Variants in ERAP1 observed in about 807,000 individuals in gnomAD.
ERAP1 encodes adipocyte-derived leucine aminopeptidase.
In ERAP1, 86 loss-of-function variants were observed where a neutral mutation model predicts 103.7. That is an observed-to-expected ratio of 0.83 (90% CI 0.70 to 0.99). ERAP1 has a LOEUF of 0.99. Ranked by LOEUF, ERAP1 falls within the 50% of genes least tolerant of loss-of-function variation. ERAP1 has a pLI of 0.00. For missense variants in ERAP1, 1,009 were observed against 1,128.4 expected, an observed-to-expected ratio of 0.89 and a Z score of 1.52; for synonymous variants, 398 against 402.4, an observed-to-expected ratio of 0.99 and a Z score of 0.13.
At chr5:96,871,146 C>A in the ERAP1 span, among the ~76,000 whole-genome samples, 1 of 152,190 alleles carries the variant, frequency 6.6e-6, no homozygotes, top group Non-Finnish European at 1.5e-5. Flanking sequence ...CTTGCTCTCC[C>A]AGAATCTCAT....
the ERAP1 span, chr5:96,913,532 A>G: frequency 6.6e-7 from 1 of 1,514,758 alleles, no homozygotes; most frequent in Non-Finnish European, 9.1e-7. Context: ...GTGTAATCAA[A>G]TGTTTCTCAA....
chr5:96,783,365 A>G (rs900273424), intron 14 of ERAP1, 130 bp from the exon 15 acceptor site: 2 of 729,406 alleles, frequency 2.7e-6, no homozygotes, highest in South Asian at 2.3e-5. Flanking sequence ...TGTATAAATC[A>G]TGCAGCACTG....
the ERAP1 span, among the ~76,000 whole-genome samples, chr5:96,854,010 T>C: frequency 6.6e-6 from 1 of 152,304 alleles, no homozygotes; most frequent in Admixed American, 6.5e-5. Flanking sequence ...AGATGTCACC[T>C]CAGTGAAAGA....
rs1305943893 is a variant in ERAP1, at chr5:96,776,961, G to A, written c.2671-410C>T. ...GCAAAACAGTTTCCACCACGTAAGT[G>A]CTGTCTTTCTCCATGGGCCTGGCCT... On this transcript the variant is annotated intron_variant, in intron 18 of 18. Coordinates refer to ENST00000443439, the MANE Select transcript of ERAP1 (RefSeq NM_001040458.3). 4 of 185,508 alleles carry A rather than the reference G, an allele frequency of 2.2e-5. No homozygotes were observed. In the Admixed American group the frequency reaches 2.2e-4, roughly 10 times the overall value. 11.5% of individuals were successfully genotyped at this position (185,508 alleles called of 1,614,324 possible). A position where few individuals can be genotyped will look rare whatever the true frequency, so the allele number is the denominator to read the frequency against.
intron 8 of ERAP1, among the ~76,000 whole-genome samples, chr5:96,790,985 AC>A (rs752737476): frequency 7.9e-5 from 12 of 152,212 alleles, no homozygotes; most frequent in Non-Finnish European, 1.8e-4. Context: ...TTGAGCTACT[AC>A]CTGGCTCTCC....
In ERAP1 at chr5:96,776,362, T is replaced by C. The variant is rs1346082516; in HGVS notation, c.*34A>G. ...ATACACTCAACAAAATGTTGGTGAT[T>C]AGAGATAACAGGAACCTGGCAAGGG... On this transcript the variant is annotated 3_prime_UTR_variant, in exon 19 of 19. Transcript: ENST00000443439. 7 of 1,589,690 alleles carry C rather than the reference T, an allele frequency of 4.4e-6. No homozygotes were observed. Among genetic ancestry groups the C allele is most frequent in the Non-Finnish European group, 6.0e-6 (7 of 1,167,650 alleles).
At chr5:96,858,989 A>C in the ERAP1 span, among the ~76,000 whole-genome samples, 1 of 151,670 alleles carries the variant, frequency 6.6e-6, no homozygotes, top group Non-Finnish European at 1.5e-5. Context: ...CCTTCAAAGC[A>C]TGATATTGGT....
At chr5:96,895,246 T>C in the ERAP1 span, 1 of 1,595,330 alleles carries the variant, frequency 6.3e-7, no homozygotes, top group Non-Finnish European at 8.6e-7. Context: ...TACCTCCTAG[T>C]GGTTTGGCAA....
At chr5:96,882,689 C>G in the ERAP1 span, among the ~76,000 whole-genome samples, 1 of 152,074 alleles carries the variant, frequency 6.6e-6, no homozygotes, top group Non-Finnish European at 1.5e-5. Flanking sequence ...AAAATTATTC[C>G]AGCCAGTTAG....
chr5:96,916,712 C>T, the ERAP1 span, among the ~76,000 whole-genome samples: 4 of 151,772 alleles, frequency 2.6e-5, no homozygotes, highest in South Asian at 2.1e-4. Context: ...TCGTGATCCA[C>T]CCACTTTGGC....
chr5:96,896,659 AG>A, the ERAP1 span: 1 of 1,483,894 alleles, frequency 6.7e-7, no homozygotes, highest in Non-Finnish European at 9.0e-7. Context: ...GTAAAATTTA[AG>A]CTTCCTTTAA....
chr5:96,851,801 G>A, the ERAP1 span, among the ~76,000 whole-genome samples: 1 of 152,170 alleles, frequency 6.6e-6, no homozygotes, highest in Non-Finnish European at 1.5e-5. Flanking sequence ...AGTATTGTAT[G>A]CCGGCACCAG....
chr5:96,883,100 C>T, the ERAP1 span, among the ~76,000 whole-genome samples: 1 of 152,126 alleles, frequency 6.6e-6, no homozygotes, highest in Non-Finnish European at 1.5e-5. Context: ...GGCACAGGTG[C>T]CACAGACAGA....
chr5:96,873,311 C>A, the ERAP1 span: 25 of 456,042 alleles, frequency 5.5e-5, no homozygotes, highest in Admixed American at 3.3e-4. Flanking sequence ...CTATGATGTG[C>A]GCAACACTGA....
At chr5:96,922,933 G>A in the ERAP1 span, among the ~76,000 whole-genome samples, 4 of 152,000 alleles carry the variant, frequency 2.6e-5, no homozygotes, top group Non-Finnish European at 4.4e-5. Context: ...AAACAACTGT[G>A]CCTCTGCGAG....
upstream of ERAP1, among the ~76,000 whole-genome samples, chr5:96,810,493 G>A (rs1384787371): frequency 6.6e-6 from 1 of 152,170 alleles, no homozygotes; most frequent in Non-Finnish European, 1.5e-5. Flanking sequence ...AATGAGACAG[G>A]TCGGCAACTT....
chr5:96,910,477 C>T, the ERAP1 span, among the ~76,000 whole-genome samples: 1 of 150,916 alleles, frequency 6.6e-6, no homozygotes, highest in Non-Finnish European at 1.5e-5. Context: ...TAAAAAAAAA[C>T]CTTTTAAATC....
At chr5:96,900,353 A>G in the ERAP1 span, 10 of 1,094,480 alleles carry the variant, frequency 9.1e-6, no homozygotes, top group Admixed American at 8.8e-5. Flanking sequence ...TGCTTGGGGT[A>G]TTTAGGGGGA....
rs375681721 is a variant in ERAP1, at chr5:96,765,207, T to C, written c.2819-1979A>G. On this transcript the variant is annotated intron_variant, in intron 19 of 19. Transcript: ENST00000296754. ...GGCTAATGAGTGACTAATTCAGCAT[T>C]ATTTACTTTTCAGCAGAGTGACAAA... 8 of 1,482,822 alleles carry C rather than the reference T, an allele frequency of 5.4e-6. No individual in the cohort carries two copies. In the African/African-American group the frequency reaches 1.1e-4, roughly 21 times the overall value. The allele number at this position is 1,482,822 out of a possible 1,614,324, so 91.9% of individuals were successfully genotyped here. A position where few individuals can be genotyped will look rare whatever the true frequency, so the allele number is the denominator to read the frequency against.
Sources: gnomAD v4.1 joint callset for allele counts (sites outside exome capture counted in the v4.1 genomes callset) on GRCh38, gnomAD v4.1.1 for gene constraint, MANE v1.5 for transcripts, NCBI Gene and HGNC (gene_info 2026-07-23, HGNC 2026-07-21) for gene names.